ADAMTS17: variants seen among roughly 807,000 people sequenced by gnomAD.
ADAMTS17 encodes the protein A disintegrin and metalloproteinase with thrombospondin motifs 17.
A neutral mutation model predicts 141.5 loss-of-function variants in ADAMTS17; 113 were observed. The ratio of observed to expected loss-of-function variants is 0.80; its 90% CI spans 0.69 to 0.93. The LOEUF is 0.93. Ranked by LOEUF, ADAMTS17 falls within the 40% of genes least tolerant of loss-of-function variation. The probability of loss-of-function intolerance (pLI) is 0.00; values close to 1 mark genes in which losing one functional copy is unlikely to be tolerated. For missense variants in ADAMTS17, 1,659 were observed against 1,517.9 expected (o/e 1.09, Z -1.54); for synonymous variants, 768 against 630.6 (o/e 1.22, Z -3.27).
intron 7 of ADAMTS17, among the ~76,000 whole-genome samples, chr15:100,215,629 C>A (rs1241344751): frequency 6.6e-6 from 1 of 152,020 alleles, no homozygotes; most frequent in Non-Finnish European, 1.5e-5. Context: ...GCTGGCCTGG[C>A]CTAAGTGACT....
At chr15:100,277,583 C>G (rs946296517) in intron 4 of ADAMTS17, among the ~76,000 whole-genome samples, 1 of 152,184 alleles carries the variant, frequency 6.6e-6, no homozygotes, top group Admixed American at 6.5e-5. Context: ...GGTGCAGAGC[C>G]AAGCCCCTCC....
chr15:100,188,841 G>A (rs1163025790), intron 8 of ADAMTS17, among the ~76,000 whole-genome samples: 1 of 152,196 alleles, frequency 6.6e-6, no homozygotes, highest in Non-Finnish European at 1.5e-5. Context: ...TGGCCAAAGA[G>A]CAGGGACCAG....
intron 3 of ADAMTS17, among the ~76,000 whole-genome samples, chr15:100,286,228 G>T (rs1034966562): frequency 1.3e-5 from 2 of 152,122 alleles, no homozygotes; most frequent in Admixed American, 1.3e-4. Context: ...CCCGCAAAAC[G>T]TGAATGTGCA....
At chr15:100,137,275 C>T (rs1017628288) in intron 10 of ADAMTS17, among the ~76,000 whole-genome samples, 18 of 152,226 alleles carry the variant, frequency 1.2e-4, no homozygotes, top group East Asian at 5.8e-4. Context: ...AGAGAAGAAC[C>T]GGCTGGGAAG....
intron 4 of ADAMTS17, among the ~76,000 whole-genome samples, chr15:100,266,419 C>G (rs2043718767): frequency 6.6e-6 from 1 of 152,200 alleles, no homozygotes; most frequent in South Asian, 2.1e-4. Flanking sequence ...AGCGGTTTGC[C>G]AGGGACACAG....
At chr15:100,217,019 G>T (rs2041989315) in intron 7 of ADAMTS17, among the ~76,000 whole-genome samples, 1 of 152,172 alleles carries the variant, frequency 6.6e-6, no homozygotes, top group African/African-American at 2.4e-5. Context: ...AGCTGAAAAT[G>T]CTGTTTTGAA....
intron 12 of ADAMTS17, among the ~76,000 whole-genome samples, chr15:100,119,375 C>A (rs549563128): frequency 6.6e-6 from 1 of 152,096 alleles, no homozygotes; most frequent in Non-Finnish European, 1.5e-5. Context: ...TCATGAGGAA[C>A]AAAACACGGA....
chr15:100,221,883 C>G (rs2042144370), intron 7 of ADAMTS17, among the ~76,000 whole-genome samples: 1 of 152,198 alleles, frequency 6.6e-6, no homozygotes, highest in South Asian at 2.1e-4. Context: ...GCCTTGCACA[C>G]TCCTTCTGCT....
chr15:100,255,253 C>A (rs1179795722), intron 6 of ADAMTS17, among the ~76,000 whole-genome samples: 1 of 152,100 alleles, frequency 6.6e-6, no homozygotes. Context: ...AGAGGGTTGG[C>A]TGGGGCAGGA....
At chr15:100,075,066 C>T (rs534698350) in intron 15 of ADAMTS17, among the ~76,000 whole-genome samples, 2 of 152,166 alleles carry the variant, frequency 1.3e-5, no homozygotes, top group African/African-American at 2.4e-5. Flanking sequence ...TTCCATAGGC[C>T]CGTATATTTA....
chr15:100,110,206 A>T (rs1163165663), intron 13 of ADAMTS17, among the ~76,000 whole-genome samples: 3 of 144,914 alleles, frequency 2.1e-5, no homozygotes, highest in African/African-American at 7.6e-5. Context: ...TATATATATC[A>T]GTATATATAT....
intron 8 of ADAMTS17, among the ~76,000 whole-genome samples, chr15:100,186,005 C>G (rs188667303): frequency 1.2e-4 from 18 of 152,158 alleles, no homozygotes; most frequent in Admixed American, 2.6e-4. Flanking sequence ...ACCTACGGGA[C>G]GGTCAGTTTG....
At chr15:100,307,725 G>A (rs553943629) in intron 3 of ADAMTS17, among the ~76,000 whole-genome samples, 150 of 152,288 alleles carry the variant, frequency 9.8e-4, no homozygotes, top group Admixed American at 2.5e-3. Flanking sequence ...CCGATGTCAC[G>A]TGCCGCGTGC....
rs1170227195 is a variant in ADAMTS17 at position 100,254,181 on chromosome 15, TA to T, written c.1032-3del. 2.5e-6 allele frequency: 4 copies of T among 1,612,810 alleles called. No homozygotes were observed. The highest frequency in any genetic ancestry group is 3.4e-6 in the Non-Finnish European group (4 of 1,179,118). ...TCCTTGTGTACACAGAAATCTGTCC[TA>T]AAAAATAAAAAAGCCATCATCAGGT... On this transcript the variant is annotated splice_region_variant and splice_polypyrimidine_tract_variant and intron_variant, in intron 6 of 21. Transcript: ENST00000268070.
chr15:100,273,802 G>A (rs1305999402), intron 4 of ADAMTS17, among the ~76,000 whole-genome samples: 1 of 152,130 alleles, frequency 6.6e-6, no homozygotes, highest in African/African-American at 2.4e-5. Flanking sequence ...TTCTTTTTAA[G>A]TGTTTACCGC....
Position 100,147,969 on chromosome 15 carries a change from G to C in ADAMTS17, c.1473+4643C>G, listed in dbSNP as rs149065205. On this transcript the variant is annotated intron_variant, in intron 10 of 21. Coordinates refer to ENST00000268070, the MANE Select transcript of ADAMTS17 (RefSeq NM_139057.4). ...TCCTCGCCTTTTCCAGCTTCTCATG[G>C]CTGTTGCATTCCTTGGCTCATAGCC... Among the ~76,000 whole-genome samples the C allele has an allele frequency of 2.6e-5, 4 of 152,314 alleles. No individual in the cohort carries two copies. The East Asian group carries it at 7.7e-4, about 29-fold the overall frequency.
At chr15:100,009,288 G>T (rs1460458498) in intron 18 of ADAMTS17, among the ~76,000 whole-genome samples, 1 of 152,152 alleles carries the variant, frequency 6.6e-6, no homozygotes, top group African/African-American at 2.4e-5. Context: ...CTATTCCTAT[G>T]TAGGTGGGTC....
Position 100,195,632 on chromosome 15 carries a change from AAAAAG to A in ADAMTS17, c.1181+3681_1181+3685del, listed in dbSNP as rs1471895719. On this transcript the variant is annotated intron_variant, in intron 8 of 21. Coordinates refer to ENST00000268070, the MANE Select transcript of ADAMTS17 (RefSeq NM_139057.4). Reference sequence around the variant, plus strand: ...TGGTCTCAAAAAAAAAAAAAAAAAAAAAAAGAAGCTGTCAATCTCATCTCAAAAAA... The same window carrying A: ...TGGTCTCAAAAAAAAAAAAAAAAAAAAAGCTGTCAATCTCATCTCAAAAAA... Among the ~76,000 whole-genome samples the A allele has an allele frequency of 2.3e-4, 35 of 150,272 alleles. No individual in the cohort carries two copies. The East Asian group carries it at 3.9e-3, about 17-fold the overall frequency.
At chr15:100,254,225 G>C (rs768590433) in intron 6 of ADAMTS17, 46 bp from the exon 7 acceptor site, 1 of 1,554,872 alleles carries the variant, frequency 6.4e-7, no homozygotes, top group Non-Finnish European at 8.9e-7. Flanking sequence ...GTATCCCCAA[G>C]AATGGGAGAA....
Sources: gnomAD v4.1 joint callset for allele counts (sites outside exome capture counted in the v4.1 genomes callset) on GRCh38, gnomAD v4.1.1 for gene constraint, MANE v1.5 for transcripts, NCBI Gene and HGNC (gene_info 2026-07-23, HGNC 2026-07-21) for gene names.